Variants in ARHGAP42 observed in about 807,000 individuals in gnomAD.
The protein encoded by ARHGAP42 is rho GTPase-activating protein 42.
ARHGAP42 carries 63 observed loss-of-function variants against 125.0 expected under a neutral mutation model. That is an observed-to-expected ratio of 0.50 (90% CI 0.41 to 0.62). The LOEUF (loss-of-function observed/expected upper bound fraction) is 0.62. ARHGAP42 is among the 20% of genes least tolerant of loss of function. ARHGAP42 has a pLI of 0.00. For synonymous variants in ARHGAP42, 339 were observed against 351.0 expected (o/e 0.97, Z 0.38); for missense variants, 766 against 1,024.2 (o/e 0.75, Z 3.44).
At chr11:100,947,018 T>C (rs116551310) in intron 10 of ARHGAP42, among the ~76,000 whole-genome samples, 6,038 of 150,358 alleles carry the variant, frequency 0.04, 306 homozygotes, top group African/African-American at 0.12. Context: ...TTGACTCTTT[T>C]GCTCTGTGTT....
At position 100,834,807 on chromosome 11, in the gene ARHGAP42, GC is replaced by G. The variant is rs1458877250; in HGVS notation, c.313-24742del. Among the ~76,000 whole-genome samples, 23 of 150,754 alleles carry G rather than the reference GC, an allele frequency of 1.5e-4. No individual in the cohort carries two copies. In the South Asian group the frequency reaches 2.1e-3, roughly 14 times the overall value. ...GAATGAGGCCATAATCCATTATGGGGCCCCCTTCTGCTTTGGACAGGGAACT... is the reference window on the plus strand; with the variant it reads ...GAATGAGGCCATAATCCATTATGGGGCCCCTTCTGCTTTGGACAGGGAACT... On this transcript the variant is annotated intron_variant, in intron 3 of 23. Coordinates refer to ENST00000298815, the MANE Select transcript of ARHGAP42 (RefSeq NM_152432.4).
chr11:100,977,120 A>T (rs1022400418), intron 21 of ARHGAP42, 149 bp downstream of exon 21: 6 of 903,988 alleles, frequency 6.6e-6, no homozygotes, highest in Non-Finnish European at 9.8e-6. Flanking sequence ...GTAAGACTCT[A>T]TTCTTTTCTA....
intron 1 of ARHGAP42, among the ~76,000 whole-genome samples, chr11:100,718,242 T>G (rs1861699602): frequency 6.6e-6 from 1 of 152,182 alleles, no homozygotes; most frequent in African/African-American, 2.4e-5. Flanking sequence ...TTTATAGGTC[T>G]TATGAGGCCC....
At chr11:100,695,163 A>G (rs1018464064) in intron 1 of ARHGAP42, among the ~76,000 whole-genome samples, 6 of 152,258 alleles carry the variant, frequency 3.9e-5, no homozygotes, top group East Asian at 1.9e-4. Flanking sequence ...AGCAACTTAC[A>G]TAACATTTGT....
chr11:100,802,424 C>CTTTTT (rs777832011), intron 3 of ARHGAP42, among the ~76,000 whole-genome samples: 22 of 123,868 alleles, frequency 1.8e-4, no homozygotes, highest in East Asian at 7.0e-4. Flanking sequence ...TCCTTTCTTT[C>CTTTTT]TTTTTTTTTT....
At chr11:100,894,828 G>A (rs1866306365) in intron 4 of ARHGAP42, among the ~76,000 whole-genome samples, 1 of 152,164 alleles carries the variant, frequency 6.6e-6, no homozygotes, top group African/African-American at 2.4e-5. Context: ...TGAAAGGGCA[G>A]TAGTAGATAT....
chr11:100,845,981 A>G (rs1385515836), intron 3 of ARHGAP42, among the ~76,000 whole-genome samples: 3 of 152,124 alleles, frequency 2.0e-5, no homozygotes, highest in Non-Finnish European at 4.4e-5. Context: ...GGGATAGGTT[A>G]TTTTGCCAAA....
chr11:100,969,103 C>CTT lies in ARHGAP42; in HGVS notation c.1550+3331_1550+3332dup, dbSNP rs145717045. ...CTGAAAATGCCTTTATTTCACCTTCCTTTTTGCAGGTTAGTTTTGCTGGAT... is the reference window on the plus strand; with the variant it reads ...CTGAAAATGCCTTTATTTCACCTTCCTTTTTTTGCAGGTTAGTTTTGCTGGAT... On this transcript the variant is annotated intron_variant, in intron 17 of 23. Transcript: ENST00000298815. 7.8e-3 allele frequency among the ~76,000 whole-genome samples: 1,190 copies of CTT among 152,180 alleles called. 14 individuals are homozygous for CTT. The highest frequency in any genetic ancestry group is 0.027 in the African/African-American group (1,112 of 41,542).
chr11:100,854,836 A>G (rs1865288123), intron 3 of ARHGAP42, among the ~76,000 whole-genome samples: 1 of 152,176 alleles, frequency 6.6e-6, no homozygotes, highest in Admixed American at 6.6e-5. Context: ...AAGGCAGAGA[A>G]GAGATGCTTG....
At chr11:100,816,490 A>G (rs1474777929) in intron 3 of ARHGAP42, among the ~76,000 whole-genome samples, 1 of 152,170 alleles carries the variant, frequency 6.6e-6, no homozygotes, top group African/African-American at 2.4e-5. Context: ...ATTTCAAGAC[A>G]CTGATGCAAG....
chr11:100,982,866 T>TA (rs1441421104), intron 22 of ARHGAP42, among the ~76,000 whole-genome samples: 3 of 152,208 alleles, frequency 2.0e-5, no homozygotes, highest in African/African-American at 7.2e-5. Context: ...TAAAAGGCTA[T>TA]AAATCACTGG....
At chr11:100,960,437 A>T (rs879634934) in intron 13 of ARHGAP42, among the ~76,000 whole-genome samples, 2 of 152,184 alleles carry the variant, frequency 1.3e-5, no homozygotes, top group Non-Finnish European at 2.9e-5. Context: ...AGCAAAATTC[A>T]TATTGGGTTT....
At chr11:100,808,395 C>CTTTTTTTTT (rs398045483) in intron 3 of ARHGAP42, among the ~76,000 whole-genome samples, 1 of 118,778 alleles carries the variant, frequency 8.4e-6, no homozygotes, top group Non-Finnish European at 1.7e-5. Context: ...TAAATTCACT[C>CTTTTTTTTT]TTTTTTTTTT....
chr11:100,962,398 C>G lies in ARHGAP42; in HGVS notation c.1386-11C>G. The G allele has an allele frequency of 1.3e-6, 2 of 1,548,904 alleles. No individual in the cohort carries two copies. The highest frequency in any genetic ancestry group is 2.4e-5 in the South Asian group (2 of 83,908). ...TACTATTCTAACATGTGTTTCCTTTCTCTGTTGTAGGTGCCTTGCAGAACC... is the reference window on the plus strand; with the variant it reads ...TACTATTCTAACATGTGTTTCCTTTGTCTGTTGTAGGTGCCTTGCAGAACC... On this transcript the variant is annotated splice_polypyrimidine_tract_variant and intron_variant, in intron 15 of 23. Transcript: ENST00000298815.
chr11:100,909,563 C>T (rs1299689402), intron 4 of ARHGAP42, among the ~76,000 whole-genome samples: 6 of 152,178 alleles, frequency 3.9e-5, no homozygotes, highest in African/African-American at 9.6e-5. Flanking sequence ...ATGCTGGTCT[C>T]GAACTCCTGA....
chr11:100,968,570 GTTATAA>G (rs1858158357), intron 17 of ARHGAP42, among the ~76,000 whole-genome samples: 1 of 152,056 alleles, frequency 6.6e-6, no homozygotes, highest in African/African-American at 2.4e-5. Flanking sequence ...ACAATCCATT[GTTATAA>G]TTATTTATGT....
chr11:100,902,618 T>C (rs564887922), intron 4 of ARHGAP42, among the ~76,000 whole-genome samples: 3 of 152,262 alleles, frequency 2.0e-5, no homozygotes, highest in African/African-American at 7.2e-5. Context: ...CTCAGGAGTA[T>C]CTGAGTATCC....
At chr11:100,696,146 G>T (rs1363949390) in intron 1 of ARHGAP42, among the ~76,000 whole-genome samples, 2 of 152,070 alleles carry the variant, frequency 1.3e-5, no homozygotes, top group African/African-American at 4.8e-5. Flanking sequence ...AGCGATTGAA[G>T]ATCTGGAGGT....
chr11:100,960,009 CAG>C, intron 13 of ARHGAP42, 64 bp downstream of exon 13: 1 of 1,369,438 alleles, frequency 7.3e-7, no homozygotes, highest in Non-Finnish European at 1.0e-6. Context: ...GGAAAACTCT[CAG>C]AGTAGATAAA....
Sources: allele counts gnomAD v4.1 joint callset (sites outside exome capture counted in the v4.1 genomes callset), GRCh38; gene constraint gnomAD v4.1.1; transcripts MANE v1.5; gene names NCBI Gene and HGNC (gene_info 2026-07-23, HGNC 2026-07-21).